The following PRTFDC1 variants were observed in gnomAD, a reference collection of about 807,000 sequenced individuals.
PRTFDC1 encodes the protein phosphoribosyl transferase domain containing 1, also known as phosphoribosyltransferase domain-containing protein 1.
A neutral mutation model predicts 34.6 loss-of-function variants in PRTFDC1; 38 were observed. That is an observed-to-expected ratio of 1.10 (90% CI 0.85 to 1.44). PRTFDC1 has a LOEUF of 1.44. Ranked by LOEUF, PRTFDC1 falls within the 40% of genes most tolerant of loss-of-function variation. The pLI is 0.00. For synonymous variants in PRTFDC1, 93 were observed against 98.1 expected, an observed-to-expected ratio of 0.95 and a Z score of 0.31; for missense variants, 270 against 283.0, an observed-to-expected ratio of 0.95 and a Z score of 0.33.
chr10:24,910,199 T>C (rs924375528), intron 3 of PRTFDC1, among the ~76,000 whole-genome samples: 1 of 152,044 alleles, frequency 6.6e-6, no homozygotes, highest in Non-Finnish European at 1.5e-5. Context: ...ACCTGAACAA[T>C]GGTGGAAGCT....
chr10:24,931,428 C>T (rs192467609), intron 3 of PRTFDC1, among the ~76,000 whole-genome samples: 3 of 151,488 alleles, frequency 2.0e-5, no homozygotes, highest in South Asian at 2.1e-4. Context: ...AAGAGAAAAT[C>T]GAGAAAGCAA....
At chr10:24,907,685 G>A (rs1354746198) in intron 3 of PRTFDC1, among the ~76,000 whole-genome samples, 2 of 152,108 alleles carry the variant, frequency 1.3e-5, no homozygotes, top group Non-Finnish European at 2.9e-5. Flanking sequence ...CAACATAATC[G>A]TTTTTGGCAT....
At chr10:24,945,933 A>AT (rs764059451) in intron 1 of PRTFDC1, among the ~76,000 whole-genome samples, 2 of 152,154 alleles carry the variant, frequency 1.3e-5, no homozygotes, top group African/African-American at 2.4e-5. Context: ...CCAGCTGTAC[A>AT]TGAGGAGATT....
intron 3 of PRTFDC1, among the ~76,000 whole-genome samples, chr10:24,907,401 C>T (rs1848554394): frequency 6.6e-6 from 1 of 151,850 alleles, no homozygotes; most frequent in Non-Finnish European, 1.5e-5. Context: ...TCGAGACCAG[C>T]ATGGTCAACA....
chr10:24,857,063 G>C (rs756090748), intron 5 of PRTFDC1, 68 bp from the exon 6 acceptor site: 1 of 1,276,934 alleles, frequency 7.8e-7, no homozygotes, highest in Non-Finnish European at 1.1e-6. Flanking sequence ...TTCACCCAGG[G>C]AGATACTCCT....
In PRTFDC1 at chr10:24,937,326, T is replaced by A. The variant is rs771400838; in HGVS notation, c.197A>T (p.Tyr66Phe). 1.2e-6 allele frequency: 2 copies of A among 1,613,012 alleles called. No individual in the cohort carries two copies. The highest frequency in any genetic ancestry group is 1.7e-6 in the Non-Finnish European group (2 of 1,179,814). The change falls in exon 3 of 9, where the codon TAT (tyrosine) becomes TTT (phenylalanine). Residue 66 changes from tyrosine to phenylalanine, a missense_variant. Tyr to Phe is a conservative substitution (Grantham distance 22). Transcript: ENST00000320152. ...CACACACAGGACCATGATGTCACTA[T>A]ATCCTATGTCTTTCATAATATCCTT... ...LAKDIMKDIG[Y>F]SDIMVLCVLK...
rs1847917737 is a variant in PRTFDC1, at chr10:24,873,830, G to GT, written c.340-1768dup. Among the ~76,000 whole-genome samples, 3 of 148,878 alleles carry GT rather than the reference G, an allele frequency of 2.0e-5. No individual in the cohort carries two copies. The Admixed American group carries it at 2.0e-4, about 10-fold the overall frequency. The stretch of plus-strand genomic sequence containing the variant: ...AAACAGCCAAACCACCAGTAGGACA[G>GT]TTTTGCCAATGAAACACCTTTTGTC... On this transcript the variant is annotated intron_variant, in intron 3 of 8. Coordinates refer to ENST00000320152, the MANE Select transcript of PRTFDC1 (RefSeq NM_020200.7).
At chr10:24,851,547 A>G in intron 7 of PRTFDC1, 83 bp from the exon 8 acceptor site, 1 of 1,550,840 alleles carries the variant, frequency 6.4e-7, no homozygotes, top group South Asian at 1.2e-5. Flanking sequence ...TGCTGTCGCC[A>G]CTCAAACTTG....
chr10:24,879,507 C>T (rs937382152), intron 3 of PRTFDC1, among the ~76,000 whole-genome samples: 1 of 152,086 alleles, frequency 6.6e-6, no homozygotes, highest in Non-Finnish European at 1.5e-5. Context: ...CCATGCCCGG[C>T]TGATTTTTTT....
Position 24,937,319 on chromosome 10 carries a change from G to A in PRTFDC1, c.204C>T (p.Asp68=), listed in dbSNP as rs1363841217. ...CTTTAAGCACACACAGGACCATGAT[G>A]TCACTATATCCTATGTCTTTCATAA... ...KDIMKDIGYS[D]IMVLCVLKGG... is the part of the protein sequence containing the mutation. The change falls in exon 3 of 9, where the codon GAC becomes GAT. Residue 68 remains aspartate (D), a synonymous_variant. Transcript: ENST00000320152. 4 of 1,613,776 alleles carry A rather than the reference G, an allele frequency of 2.5e-6. No homozygotes were observed. Among genetic ancestry groups the A allele is most frequent in the South Asian group, 1.1e-5 (1 of 91,060 alleles).
intron 3 of PRTFDC1, among the ~76,000 whole-genome samples, chr10:24,917,372 G>T (rs1848710465): frequency 6.6e-6 from 1 of 152,094 alleles, no homozygotes; most frequent in Admixed American, 6.6e-5. Flanking sequence ...TGTGTCTGTT[G>T]CAGTACACAT....
intron 8 of PRTFDC1, 79 bp downstream of exon 8, chr10:24,851,309 A>C: frequency 6.5e-7 from 1 of 1,547,390 alleles, no homozygotes. Flanking sequence ...AGCAGACATC[A>C]CTAACACGCA....
intron 4 of PRTFDC1, among the ~76,000 whole-genome samples, chr10:24,869,166 G>C (rs1291119063): frequency 6.6e-6 from 1 of 151,860 alleles, no homozygotes; most frequent in African/African-American, 2.4e-5. Flanking sequence ...CTTTCACGGA[G>C]AGGCTGAATG....
chr10:24,872,890 C>T (rs1203457002), intron 3 of PRTFDC1, among the ~76,000 whole-genome samples: 1 of 148,400 alleles, frequency 6.7e-6, no homozygotes, highest in Non-Finnish European at 1.5e-5. Flanking sequence ...TCATTGCAGC[C>T]TCAATCTCCC....
chr10:24,875,319 T>C (rs945560474), intron 3 of PRTFDC1, among the ~76,000 whole-genome samples: 9 of 152,208 alleles, frequency 5.9e-5, no homozygotes, highest in African/African-American at 2.2e-4. Context: ...TTAATTGTAG[T>C]CTTTGTGCTG....
At position 24,887,470 on chromosome 10, in the gene PRTFDC1, CT is replaced by C. The variant is rs201387343; in HGVS notation, c.340-15408del. Among the ~76,000 whole-genome samples, 717 of 131,818 alleles carry C rather than the reference CT, an allele frequency of 5.4e-3. 5 individuals are homozygous for C. Among genetic ancestry groups the C allele is most frequent in the Non-Finnish European group, 9.6e-3 (564 of 58,700 alleles). The allele number at this position is 131,818 out of a possible 152,430, so 86.5% of individuals were successfully genotyped here. On this transcript the variant is annotated intron_variant, in intron 3 of 8. Coordinates refer to ENST00000320152, the MANE Select transcript of PRTFDC1 (RefSeq NM_020200.7). ...TGATGGTTTTATAAGGGCTTCCCCC[CT>C]CTCCCTTCGCTCTGCACTTCTCCTT...
intron 5 of PRTFDC1, among the ~76,000 whole-genome samples, chr10:24,857,302 C>T (rs1436541558): frequency 6.6e-6 from 1 of 152,192 alleles, no homozygotes; most frequent in African/African-American, 2.4e-5. Context: ...TGTGTCTGCA[C>T]ATTCAAGGAC....
intron 4 of PRTFDC1, among the ~76,000 whole-genome samples, chr10:24,871,168 C>A (rs1005158674): frequency 1.3e-5 from 2 of 151,610 alleles, no homozygotes; most frequent in East Asian, 3.9e-4. Context: ...TTTCCCTACC[C>A]GGGCATTGCA....
chr10:24,943,876 C>T (rs957862933), intron 1 of PRTFDC1, among the ~76,000 whole-genome samples: 2 of 152,098 alleles, frequency 1.3e-5, no homozygotes, highest in Non-Finnish European at 2.9e-5. Context: ...TTTACTCACT[C>T]CTGCACACTT....
Sources: allele counts gnomAD v4.1 joint callset (sites outside exome capture counted in the v4.1 genomes callset), GRCh38; gene constraint gnomAD v4.1.1; transcripts MANE v1.5; gene names NCBI Gene and HGNC (gene_info 2026-07-23, HGNC 2026-07-21).